The following STAU2 variants were observed in gnomAD, a reference collection of about 807,000 sequenced individuals.
STAU2 encodes double-stranded RNA-binding protein Staufen homolog 2.
In STAU2, 20 loss-of-function variants were observed where a neutral mutation model predicts 65.9. The ratio of observed to expected loss-of-function variants is 0.30; its 90% CI spans 0.21 to 0.44. The LOEUF (loss-of-function observed/expected upper bound fraction) is 0.44, where lower values mean the gene tolerates loss of function less well. Among genes scored for constraint, STAU2 ranks in the 20% least tolerant of loss-of-function variants. The pLI is 1.00. For synonymous variants in STAU2, 232 were observed against 233.9 expected (o/e 0.99, Z 0.07); for missense variants, 558 against 683.9 (o/e 0.82, Z 2.05).
intron 6 of STAU2, among the ~76,000 whole-genome samples, chr8:73,641,797 T>C (rs966147399): frequency 2.6e-5 from 4 of 152,202 alleles, no homozygotes; most frequent in Admixed American, 2.6e-4. Context: ...CTTTAGAAAA[T>C]TTTCTAATCT....
intron 1 of STAU2, among the ~76,000 whole-genome samples, chr8:73,744,619 T>A (rs1807147542): frequency 6.6e-6 from 1 of 152,174 alleles, no homozygotes; most frequent in Non-Finnish European, 1.5e-5. Context: ...ATACTATTTG[T>A]TGAAAAGCAA....
chr8:73,476,121 T>C (rs1820314848), intron 13 of STAU2, among the ~76,000 whole-genome samples: 1 of 152,180 alleles, frequency 6.6e-6, no homozygotes, highest in Non-Finnish European at 1.5e-5. Flanking sequence ...TTGTTACCAA[T>C]GGGAGCGATA....
chr8:73,653,991 G>A (rs1362869983), intron 6 of STAU2: 3 of 265,188 alleles, frequency 1.1e-5, no homozygotes, highest in South Asian at 3.3e-5. Flanking sequence ...GGGAAGGGGA[G>A]GGAAAAAATA....
chr8:73,730,795 A>G (rs1051484700), intron 3 of STAU2, among the ~76,000 whole-genome samples: 2 of 150,982 alleles, frequency 1.3e-5, no homozygotes, highest in Non-Finnish European at 1.5e-5. Context: ...AATGTTCTGT[A>G]TATGTCTGTT....
rs114382927 is a variant in STAU2 at position 73,513,403 on chromosome 8, T to C, written c.1530+38609A>G. 9.2e-3 allele frequency among the ~76,000 whole-genome samples: 1,395 copies of C among 152,312 alleles called. 24 individuals are homozygous for C. The highest frequency in any genetic ancestry group is 0.032 in the African/African-American group (1,324 of 41,562). Reference sequence around the variant, plus strand: ...CAAATACCCTAAGCTAGTAAAGCTTTTACCCTCTGCCCATGGGTCTGTGGT... The same window carrying C: ...CAAATACCCTAAGCTAGTAAAGCTTCTACCCTCTGCCCATGGGTCTGTGGT... On this transcript the variant is annotated intron_variant, in intron 13 of 14. Coordinates refer to ENST00000524300, the MANE Select transcript of STAU2 (RefSeq NM_001164380.2).
chr8:73,640,377 A>T (rs1814864877), intron 6 of STAU2, among the ~76,000 whole-genome samples: 2 of 152,186 alleles, frequency 1.3e-5, no homozygotes, highest in Admixed American at 1.3e-4. Context: ...AGCTTCCTAT[A>T]TTGGATATAC....
chr8:73,552,943 C>T (rs1807443382), intron 12 of STAU2, among the ~76,000 whole-genome samples: 1 of 152,200 alleles, frequency 6.6e-6, no homozygotes, highest in African/African-American at 2.4e-5. Context: ...AACCTAGACT[C>T]CTGGCAACCA....
At chr8:73,481,528 A>AAAACC (rs1554595570) in intron 13 of STAU2, among the ~76,000 whole-genome samples, 1 of 145,352 alleles carries the variant, frequency 6.9e-6, no homozygotes, top group East Asian at 2.2e-4. Context: ...AAAAAAAAAA[A>AAAACC]CACTTTTTTT....
intron 13 of STAU2, among the ~76,000 whole-genome samples, chr8:73,447,331 T>G (rs943299423): frequency 5.9e-5 from 9 of 152,344 alleles, no homozygotes; most frequent in African/African-American, 2.2e-4. Context: ...CAACTTTTTT[T>G]TCCCACATAA....
intron 13 of STAU2, among the ~76,000 whole-genome samples, chr8:73,432,276 T>C (rs1304995294): frequency 6.6e-6 from 1 of 152,248 alleles, no homozygotes; most frequent in Non-Finnish European, 1.5e-5. Context: ...TAGTCATATA[T>C]GCAGTTAATT....
chr8:73,500,069 C>A (rs1793988126), intron 13 of STAU2, among the ~76,000 whole-genome samples: 1 of 151,718 alleles, frequency 6.6e-6, no homozygotes, highest in Non-Finnish European at 1.5e-5. Context: ...GTGTCTAGTA[C>A]CATATGGGAT....
intron 6 of STAU2, among the ~76,000 whole-genome samples, chr8:73,631,995 G>A (rs553110481): frequency 1.3e-5 from 2 of 151,534 alleles, no homozygotes; most frequent in Non-Finnish European, 2.9e-5. Context: ...AGGCAAGAAG[G>A]GGGGAGGAGA....
chr8:73,689,493 A>C (rs1819175604), intron 4 of STAU2, among the ~76,000 whole-genome samples: 1 of 152,192 alleles, frequency 6.6e-6, no homozygotes, highest in Admixed American at 6.5e-5. Context: ...CATCAGGTTA[A>C]AACCCTTCAA....
chr8:73,633,320 G>C (rs1814240707), intron 6 of STAU2, among the ~76,000 whole-genome samples: 1 of 152,192 alleles, frequency 6.6e-6, no homozygotes, highest in Non-Finnish European at 1.5e-5. Flanking sequence ...TGAAGATAGA[G>C]TGGCTCCACA....
chr8:73,686,962 G>A (rs150055156), intron 5 of STAU2, among the ~76,000 whole-genome samples: 5,101 of 147,870 alleles, frequency 0.034, 260 homozygotes, highest in African/African-American at 0.11. Context: ...GCGTGATCTC[G>A]GCTCACTGAA....
chr8:73,498,393 T>C (rs1821548991), intron 13 of STAU2, among the ~76,000 whole-genome samples: 1 of 151,914 alleles, frequency 6.6e-6, no homozygotes, highest in South Asian at 2.1e-4. Flanking sequence ...CATGTGTGTA[T>C]ACACTGTAGC....
intron 12 of STAU2, among the ~76,000 whole-genome samples, chr8:73,582,249 TATTAAA>T (rs1300051129): frequency 6.6e-6 from 1 of 152,082 alleles, no homozygotes; most frequent in Non-Finnish European, 1.5e-5. Flanking sequence ...TTTAATAAAA[TATTAAA>T]ATTCTAATGA....
chr8:73,532,907 C>G (rs556837299), intron 13 of STAU2, among the ~76,000 whole-genome samples: 3 of 152,338 alleles, frequency 2.0e-5, no homozygotes, highest in Admixed American at 1.3e-4. Flanking sequence ...CCCACCCAGC[C>G]CCTTCCACAG....
rs1253225062 is a variant in STAU2, at chr8:73,739,899, G to A, written c.-196-31C>T. The A allele has an allele frequency of 3.8e-6, 3 of 787,228 alleles. No individual in the cohort carries two copies. The African/African-American group carries it at 5.2e-5, about 14-fold the overall frequency. 48.8% of individuals were successfully genotyped at this position (787,228 alleles called of 1,614,324 possible). On this transcript the variant is annotated intron_variant, in intron 1 of 14. Transcript: ENST00000524300. ...AAATAGAATATAGCAGAAATAATGA[G>A]ATACCACTTCCAAGATTAGGTTATA...
Sources: gnomAD v4.1 joint callset for allele counts (sites outside exome capture counted in the v4.1 genomes callset) on GRCh38, gnomAD v4.1.1 for gene constraint, MANE v1.5 for transcripts, NCBI Gene and HGNC (gene_info 2026-07-23, HGNC 2026-07-21) for gene names.